The following PRRX2 variants were observed in gnomAD, a reference collection of about 807,000 sequenced individuals.
PRRX2 encodes the protein paired mesoderm homeobox protein 2.
Under a neutral mutation model 18.0 loss-of-function variants are expected in PRRX2, and 11 were observed. The ratio of observed to expected loss-of-function variants is 0.61; its 90% confidence interval spans 0.39 to 1.01. The LOEUF is 1.01. Among genes scored for constraint, PRRX2 ranks in the 50% least tolerant of loss-of-function variants. The pLI is 0.01. For synonymous variants in PRRX2, 177 were observed against 154.8 expected, an observed-to-expected ratio of 1.14 and a Z score of -1.06; for missense variants, 387 against 351.0, an observed-to-expected ratio of 1.10 and a Z score of -0.82.
chr9:129,686,719 C>T (rs1007550066), intron 1 of PRRX2, among the ~76,000 whole-genome samples: 2 of 152,174 alleles, frequency 1.3e-5, no homozygotes, highest in African/African-American at 4.8e-5. Flanking sequence ...CTCACCTTGC[C>T]CCACACCAGG....
chr9:129,700,924 G>A (rs1295476324), intron 1 of PRRX2, among the ~76,000 whole-genome samples: 2 of 152,254 alleles, frequency 1.3e-5, no homozygotes, highest in South Asian at 2.1e-4. Flanking sequence ...TAGCCAGTAC[G>A]CCACCTTTTG....
At chr9:129,696,035 C>G (rs1366441724) in intron 1 of PRRX2, among the ~76,000 whole-genome samples, 1 of 151,522 alleles carries the variant, frequency 6.6e-6, no homozygotes, top group East Asian at 1.9e-4. Context: ...TGCAAGCACA[C>G]ATGCTTAGCC....
At chr9:129,710,041 G>A (rs1832600802) in intron 1 of PRRX2, among the ~76,000 whole-genome samples, 1 of 152,182 alleles carries the variant, frequency 6.6e-6, no homozygotes, top group South Asian at 2.1e-4. Flanking sequence ...GTATAACAGA[G>A]CTACAATGGG....
At chr9:129,712,325 TAG>T (rs1288867119) in intron 1 of PRRX2, among the ~76,000 whole-genome samples, 1 of 152,152 alleles carries the variant, frequency 6.6e-6, no homozygotes, top group Non-Finnish European at 1.5e-5. Context: ...CAAAAACAAA[TAG>T]AGTGTGTCTC....
At chr9:129,666,436 C>CA (rs968192259) in intron 1 of PRRX2, among the ~76,000 whole-genome samples, 7 of 152,170 alleles carry the variant, frequency 4.6e-5, no homozygotes, top group African/African-American at 1.7e-4. Context: ...ACTGGGGAAA[C>CA]AGAGACCTGA....
intron 1 of PRRX2, 64 bp downstream of exon 1, chr9:129,666,190 G>A (rs2119042748): frequency 5.1e-6 from 5 of 985,732 alleles, no homozygotes; most frequent in Non-Finnish European, 4.8e-6. Flanking sequence ...CCGGGGCGCG[G>A]GGTCCGGGGA....
At chr9:129,703,528 T>G (rs4836668) in intron 1 of PRRX2, among the ~76,000 whole-genome samples, 53,804 of 152,002 alleles carry the variant, frequency 0.35, 10,514 homozygotes, top group East Asian at 0.57. Context: ...CTGGCAGTGG[T>G]ACCTGGGTTT....
At chr9:129,690,506 T>C (rs1322462746) in intron 1 of PRRX2, among the ~76,000 whole-genome samples, 4 of 79,050 alleles carry the variant, frequency 5.1e-5, no homozygotes, top group Non-Finnish European at 8.9e-5. Context: ...TGCCAGCTCT[T>C]TTTTTTTTTT....
At chr9:129,667,468 C>G (rs1832040361) in intron 1 of PRRX2, among the ~76,000 whole-genome samples, 3 of 152,146 alleles carry the variant, frequency 2.0e-5, no homozygotes, top group African/African-American at 7.2e-5. Context: ...CCGGTTTACC[C>G]TGATGAAGGG....
Position 129,675,542 on chromosome 9 carries a change from T to G in PRRX2, c.259+9416T>G, listed in dbSNP as rs1191621512. Among the ~76,000 whole-genome samples the G allele has an allele frequency of 1.3e-5, 2 of 149,840 alleles. No individual in the cohort carries two copies. The highest frequency in any genetic ancestry group is 2.0e-4 in the East Asian group (1 of 5,040). On this transcript the variant is annotated intron_variant, in intron 1 of 3. Coordinates refer to ENST00000372469, the MANE Select transcript of PRRX2 (RefSeq NM_016307.4). This position sits in a 1 kb window ranked among gnomAD's most constrained non-coding sequence, Gnocchi z 4.4. ...CCCCCATGGGGTCCCCTCAAAGGGC[T>G]CTCTTGGGGATGGGGATCCACTGCC...
chr9:129,677,551 C>G (rs1187201185), intron 1 of PRRX2, among the ~76,000 whole-genome samples: 1 of 152,238 alleles, frequency 6.6e-6, no homozygotes, highest in Non-Finnish European at 1.5e-5. Flanking sequence ...GAAGGCCCCC[C>G]TCCAAACCCC....
intron 1 of PRRX2, among the ~76,000 whole-genome samples, chr9:129,679,132 G>A (rs373768839): frequency 2.6e-5 from 4 of 152,326 alleles, no homozygotes; most frequent in African/African-American, 9.6e-5. Context: ...GCACTGGGGA[G>A]CCATGGCTGG....
intron 1 of PRRX2, among the ~76,000 whole-genome samples, chr9:129,714,938 C>A (rs926505898): frequency 1.3e-5 from 2 of 152,136 alleles, no homozygotes; most frequent in African/African-American, 4.8e-5. Context: ...CTATTGATCA[C>A]CACCCAGTTT....
At chr9:129,697,721 C>T (rs1832444716) in intron 1 of PRRX2, among the ~76,000 whole-genome samples, 1 of 152,084 alleles carries the variant, frequency 6.6e-6, no homozygotes, top group African/African-American at 2.4e-5. Context: ...GTCCGCCTCG[C>T]CCCTCGGCCC....
chr9:129,685,836 T>C (rs1429131321), intron 1 of PRRX2, among the ~76,000 whole-genome samples: 1 of 152,218 alleles, frequency 6.6e-6, no homozygotes, highest in Non-Finnish European at 1.5e-5. Flanking sequence ...GCGCCACTGC[T>C]GACACAGCCC....
In PRRX2 at chr9:129,675,523, TGG is replaced by T. The variant is rs1832153078; in HGVS notation, c.259+9400_259+9401del. 6.7e-6 allele frequency among the ~76,000 whole-genome samples: 1 copy of T among 148,704 alleles called. No homozygotes were observed. The highest frequency in any genetic ancestry group is 6.7e-5 in the Admixed American group (1 of 15,018). On this transcript the variant is annotated intron_variant, in intron 1 of 3. Transcript: ENST00000372469. The surrounding 1 kb of genome is among the most constrained non-coding windows in gnomAD (Gnocchi z 4.4). ...CCCCCCTGCTACCCTCCCTCCCCCATGGGGTCCCCTCAAAGGGCTCTCTTGGG... is the reference window on the plus strand; with the variant it reads ...CCCCCCTGCTACCCTCCCTCCCCCATGGTCCCCTCAAAGGGCTCTCTTGGG...
intron 1 of PRRX2, among the ~76,000 whole-genome samples, chr9:129,684,461 C>CACACACACACACACACACAA (rs1382196160): frequency 1.5e-5 from 2 of 132,212 alleles, no homozygotes; most frequent in Admixed American, 7.7e-5. Flanking sequence ...CACACACACC[C>CACACACACACACACACACAA]AACAGAAAAG....
chr9:129,666,403 G>A (rs992744713), intron 1 of PRRX2, among the ~76,000 whole-genome samples: 45 of 152,314 alleles, frequency 3.0e-4, no homozygotes, highest in African/African-American at 1.0e-3. Flanking sequence ...CTGGGAAGTG[G>A]GTGTGGCTGC....
chr9:129,722,221 G>A lies in PRRX2; in HGVS notation c.631G>A (p.Val211Met). Reference sequence around the variant, plus strand: ...TGTGTCTCATGTCGCCCCCAGCACAGTGCCACCCTACAGCCCTGGGAGCTC... The same window carrying A: ...TGTGTCTCATGTCGCCCCCAGCACAATGCCACCCTACAGCCCTGGGAGCTC... ...SWTASSPYST[V>M]PPYSPGSSGP... is the part of the protein sequence containing the mutation. The change falls in exon 4 of 4, where the codon GTG (valine) becomes ATG (methionine). Residue 211 changes from valine (V) to methionine (M), a missense_variant. Physicochemically the swap from Val to Met is conservative, Grantham distance 21. Transcript: ENST00000372469. 2 of 1,613,584 alleles carry A rather than the reference G, an allele frequency of 1.2e-6. No homozygotes were observed. Among genetic ancestry groups the A allele is most frequent in the Non-Finnish European group, 1.7e-6 (2 of 1,179,800 alleles).
Sources: allele counts gnomAD v4.1 joint callset (sites outside exome capture counted in the v4.1 genomes callset), GRCh38; gene constraint gnomAD v4.1.1; non-coding constraint Gnocchi (gnomAD v3.1); transcripts MANE v1.5; gene names NCBI Gene and HGNC (gene_info 2026-07-23, HGNC 2026-07-21).